Variants in APTX observed in about 807,000 individuals in gnomAD.
The protein encoded by APTX is forkhead-associated domain histidine triad-like protein.
Under a neutral mutation model 42.3 loss-of-function variants are expected in APTX, and 33 were observed. The ratio of observed to expected loss-of-function variants is 0.78; its 90% CI spans 0.59 to 1.04. The LOEUF (loss-of-function observed/expected upper bound fraction) is 1.04. APTX is among the 50% of genes least tolerant of loss of function. The probability of loss-of-function intolerance (pLI) is 0.00; values close to 1 mark genes in which losing one functional copy is unlikely to be tolerated. For synonymous variants in APTX, 130 were observed against 146.7 expected (o/e 0.89, Z 0.82); for missense variants, 421 against 415.1 (o/e 1.01, Z -0.12).
chr9:32,998,524 G>A (rs1835503049), intron 1 of APTX, among the ~76,000 whole-genome samples: 1 of 152,100 alleles, frequency 6.6e-6, no homozygotes, highest in Non-Finnish European at 1.5e-5. Flanking sequence ...TATATACCAT[G>A]GAATATTATA....
At chr9:33,004,334 C>G (rs900482548), upstream of APTX, among the ~76,000 whole-genome samples, 1 of 152,130 alleles carries the variant, frequency 6.6e-6, no homozygotes, top group Admixed American at 6.6e-5. Context: ...AACTATTACT[C>G]GGGTGATAGG....
At chr9:33,007,024 GAAA>G (rs1163429477) in intron 1 of APTX, among the ~76,000 whole-genome samples, 4 of 100,900 alleles carry the variant, frequency 4.0e-5, no homozygotes, top group Non-Finnish European at 2.0e-5. Flanking sequence ...AAAAAAAAAA[GAAA>G]GAAAGAAAGA....
intron 6 of APTX, 53 bp from the exon 7 acceptor site, chr9:32,974,614 A>T (rs1828896883): frequency 1.0e-6 from 1 of 973,046 alleles, no homozygotes; most frequent in Admixed American, 1.7e-5. Flanking sequence ...ACTATGGCTT[A>T]ATCAAAATGA....
intron 1 of APTX, among the ~76,000 whole-genome samples, chr9:32,990,580 AG>A (rs1460344068): frequency 6.6e-6 from 1 of 152,234 alleles, no homozygotes; most frequent in Non-Finnish European, 1.5e-5. Flanking sequence ...GGAGTGCAGT[AG>A]GACAGACAGA....
chr9:32,977,002 C>G (rs1207214326), intron 6 of APTX, among the ~76,000 whole-genome samples: 1 of 151,980 alleles, frequency 6.6e-6, no homozygotes, highest in Non-Finnish European at 1.5e-5. Context: ...ATTATATTAC[C>G]TTTTCTTGTC....
chr9:33,001,230 T>A, intron 1 of APTX: 2 of 1,259,090 alleles, frequency 1.6e-6, no homozygotes, highest in Non-Finnish European at 2.1e-6. Flanking sequence ...GAAGCATTTC[T>A]GGCGGAAACG....
At chr9:33,003,804 T>C (rs192030851), upstream of APTX, among the ~76,000 whole-genome samples, 6 of 152,172 alleles carry the variant, frequency 3.9e-5, no homozygotes, top group Middle Eastern at 6.8e-3. Context: ...TATAATGTCC[T>C]CAAGTTTCAT....
intron 1 of APTX, among the ~76,000 whole-genome samples, chr9:32,998,721 G>C (rs993181314): frequency 4.6e-5 from 7 of 152,074 alleles, no homozygotes; most frequent in African/African-American, 7.2e-5. Flanking sequence ...GGCGTGTCAG[G>C]GGGTGAGGGG....
intron 1 of APTX, among the ~76,000 whole-genome samples, chr9:32,991,253 T>C (rs979162223): frequency 2.0e-5 from 3 of 152,226 alleles, no homozygotes; most frequent in African/African-American, 7.2e-5. Flanking sequence ...AAAGTGTGAA[T>C]GTGACAATTT....
intron 1 of APTX, chr9:33,001,232 G>A: frequency 7.9e-7 from 1 of 1,267,760 alleles, no homozygotes; most frequent in South Asian, 1.4e-5. Flanking sequence ...AGCATTTCTG[G>A]CGGAAACGCT....
At chr9:32,998,662 T>C (rs948010869) in intron 1 of APTX, among the ~76,000 whole-genome samples, 1 of 150,642 alleles carries the variant, frequency 6.6e-6, no homozygotes, top group African/African-American at 2.4e-5. Flanking sequence ...TAAGTGGGAG[T>C]TGAACAATGA....
chr9:33,016,164 G>A (rs1837886870), intron 1 of APTX: 1 of 152,138 alleles, frequency 6.6e-6, no homozygotes, highest in African/African-American at 2.4e-5. Flanking sequence ...TATTCTTCCC[G>A]AATTCTTTCC....
At chr9:32,982,033 G>A (rs1830792895) in intron 6 of APTX, among the ~76,000 whole-genome samples, 1 of 151,354 alleles carries the variant, frequency 6.6e-6, no homozygotes, top group South Asian at 2.1e-4. Flanking sequence ...TGAAAACCTG[G>A]CAGACACCAC....
intron 1 of APTX, among the ~76,000 whole-genome samples, chr9:32,993,211 A>G (rs894506627): frequency 3.9e-5 from 6 of 152,194 alleles, no homozygotes; most frequent in African/African-American, 1.2e-4. Context: ...ATTCCCCCAA[A>G]GTTCTCAAGT....
upstream of APTX, among the ~76,000 whole-genome samples, chr9:33,006,491 T>C (rs146862626): frequency 5.0e-4 from 76 of 152,194 alleles, no homozygotes; most frequent in Non-Finnish European, 7.2e-4. Flanking sequence ...GGAAAAGCAG[T>C]TGGAGGCAGA....
intron 1 of APTX, among the ~76,000 whole-genome samples, chr9:33,010,711 C>T (rs188800496): frequency 1.4e-5 from 2 of 147,990 alleles, no homozygotes; most frequent in East Asian, 3.9e-4. Context: ...AAGAGTGAAA[C>T]CTCGTTCCAA....
At chr9:33,023,839 AACAG>A (rs1344171951) in intron 1 of APTX, among the ~76,000 whole-genome samples, 1 of 152,244 alleles carries the variant, frequency 6.6e-6, no homozygotes, top group African/African-American at 2.4e-5. Context: ...CATATATACC[AACAG>A]ACAAAGGCAT....
upstream of APTX, among the ~76,000 whole-genome samples, chr9:33,002,635 G>C (rs1196264210): frequency 6.6e-6 from 1 of 152,176 alleles, no homozygotes; most frequent in African/African-American, 2.4e-5. Flanking sequence ...ACTTGCCCAT[G>C]CTGCTGTTTG....
At chr9:32,973,828 A>G (rs1828667674) in intron 7 of APTX, 176 bp from the exon 8 acceptor site, 3 of 795,392 alleles carry the variant, frequency 3.8e-6, no homozygotes, top group Non-Finnish European at 6.3e-6. Context: ...TAATCAGATT[A>G]TAAATATGAG....
Sources: allele counts gnomAD v4.1 joint callset (sites outside exome capture counted in the v4.1 genomes callset), GRCh38; gene constraint gnomAD v4.1.1; transcripts MANE v1.5; gene names NCBI Gene and HGNC (gene_info 2026-07-23, HGNC 2026-07-21).